The following RASSF3 variants were observed in gnomAD, a reference collection of about 807,000 sequenced individuals.
RASSF3 encodes the protein ras association domain-containing protein 3.
In RASSF3, 19 loss-of-function variants were observed where a neutral mutation model predicts 19.9. The observed-to-expected ratio is 0.96, with a 90% CI of 0.67 to 1.40. The LOEUF is 1.40. RASSF3 is among the 40% of genes most tolerant of loss of function. The probability of loss-of-function intolerance (pLI) is 0.00; values close to 1 mark genes in which losing one functional copy is unlikely to be tolerated. For missense variants in RASSF3, 306 were observed against 289.8 expected (o/e 1.06, Z -0.41); for synonymous variants, 110 against 104.2 (o/e 1.06, Z -0.34).
intron 2 of RASSF3, among the ~76,000 whole-genome samples, chr12:64,592,939 T>C (rs1384423330): frequency 1.3e-5 from 2 of 152,128 alleles, no homozygotes; most frequent in African/African-American, 4.8e-5. Context: ...TGTGCATGAC[T>C]GGCGTTTGCT....
At position 64,645,476 on chromosome 12, in the gene RASSF3, C is replaced by G. The variant is rs555199123; in HGVS notation, c.111+34733C>G. Among the ~76,000 whole-genome samples the G allele has an allele frequency of 3.4e-4, 52 of 152,092 alleles. 1 individual carries two copies. The East Asian group carries it at 8.9e-3, about 26-fold the overall frequency. The stretch of plus-strand genomic sequence containing the variant: ...TGGTTTGAAGCCATGAGTTTGAGAC[C>G]AGCCTGGGCAACATAGTGAGACCCT... On this transcript the variant is annotated intron_variant, in intron 1 of 4. Coordinates refer to ENST00000542104, the MANE Select transcript of RASSF3 (RefSeq NM_178169.4).
chr12:64,644,445 C>T (rs1871656897), intron 1 of RASSF3, among the ~76,000 whole-genome samples: 2 of 152,172 alleles, frequency 1.3e-5, no homozygotes, highest in South Asian at 2.1e-4. Context: ...TCTATAATCC[C>T]AGAACTTTAG....
In RASSF3 at chr12:64,516,022, ATATTTTCAATATATGTTGTATGG is replaced by A. The variant is rs545243036; in HGVS notation, c.169+8714_169+8736del. ...TTTAAAAACTGGAAAATATTTTATG[ATATTTTCAATATATGTTGTATGG>A]TATTTTCAATATATGTTGTAAAGGC... On this transcript the variant is annotated intron_variant, in intron 1 of 5. Transcript: ENST00000637125. Among the ~76,000 whole-genome samples the A allele has an allele frequency of 2.1e-3, 313 of 152,310 alleles. 1 individual carries two copies. The highest frequency in any genetic ancestry group is 7.2e-3 in the African/African-American group (300 of 41,570).
At chr12:64,543,864 A>T (rs1869000936), downstream of RASSF3, among the ~76,000 whole-genome samples, 1 of 151,626 alleles carries the variant, frequency 6.6e-6, no homozygotes, top group Admixed American at 6.6e-5. Flanking sequence ...ACCAATCAGC[A>T]CTCTGTACCT....
intron 1 of RASSF3, among the ~76,000 whole-genome samples, chr12:64,684,236 C>T (rs1325947893): frequency 1.3e-5 from 2 of 151,446 alleles, no homozygotes; most frequent in Admixed American, 6.6e-5. Context: ...CAGGTGTGCA[C>T]CACTGTGCCC....
chr12:64,673,052 T>G lies in RASSF3; in HGVS notation c.112-11735T>G, dbSNP rs372967969. ...GCTCGCCTCCAAATGAGCCTGTTCA[T>G]TTCCTTTCTCCGGAAACTGTCCTTA... On this transcript the variant is annotated intron_variant, in intron 1 of 4. Coordinates refer to ENST00000542104, the MANE Select transcript of RASSF3 (RefSeq NM_178169.4). 9.3e-4 allele frequency among the ~76,000 whole-genome samples: 142 copies of G among 152,344 alleles called. 1 individual carries two copies. In the East Asian group the frequency reaches 0.019, roughly 21 times the overall value.
intron 1 of RASSF3, among the ~76,000 whole-genome samples, chr12:64,649,130 C>G (rs1317271676): frequency 6.6e-6 from 1 of 151,636 alleles, no homozygotes; most frequent in Non-Finnish European, 1.5e-5. Flanking sequence ...TGAAAACCCT[C>G]TGGCTTGGTC....
intron 1 of RASSF3, among the ~76,000 whole-genome samples, chr12:64,527,738 C>T (rs1252308498): frequency 6.6e-6 from 1 of 151,644 alleles, no homozygotes; most frequent in African/African-American, 2.4e-5. Flanking sequence ...AGTTTGAGAC[C>T]AGCCTGGCCA....
chr12:64,673,452 G>T (rs1285471990), intron 1 of RASSF3, among the ~76,000 whole-genome samples: 1 of 152,162 alleles, frequency 6.6e-6, no homozygotes, highest in African/African-American at 2.4e-5. Flanking sequence ...AAAACTTACT[G>T]TTGAAAGGGA....
At chr12:64,600,951 CA>C (rs1372037132) in intron 2 of RASSF3, among the ~76,000 whole-genome samples, 1 of 152,020 alleles carries the variant, frequency 6.6e-6, no homozygotes, top group Non-Finnish European at 1.5e-5. Context: ...CCATAGTGCC[CA>C]AAACAGGGTC....
chr12:64,647,965 C>T (rs1300954827), intron 1 of RASSF3, among the ~76,000 whole-genome samples: 1 of 152,228 alleles, frequency 6.6e-6, no homozygotes, highest in South Asian at 2.1e-4. Context: ...TATGTTCAGC[C>T]ATGACATCTA....
At chr12:64,553,102 TA>T (rs1224617330) in intron 2 of RASSF3, among the ~76,000 whole-genome samples, 7 of 152,196 alleles carry the variant, frequency 4.6e-5, no homozygotes, top group Admixed American at 4.6e-4. Flanking sequence ...TGTGAGTCTA[TA>T]AACGTTTTCT....
intron 2 of RASSF3, among the ~76,000 whole-genome samples, chr12:64,567,891 T>G (rs1869456138): frequency 6.6e-6 from 1 of 152,166 alleles, no homozygotes; most frequent in African/African-American, 2.4e-5. Flanking sequence ...TCGGGCAGGG[T>G]GAAGCTACTG....
chr12:64,599,858 C>G (rs972097621), intron 2 of RASSF3, among the ~76,000 whole-genome samples: 2 of 151,512 alleles, frequency 1.3e-5, no homozygotes, highest in African/African-American at 4.9e-5. Flanking sequence ...CGGTGAAACC[C>G]CGTCTCTACT....
chr12:64,513,780 G>C (rs937301779), intron 1 of RASSF3, among the ~76,000 whole-genome samples: 8 of 152,170 alleles, frequency 5.3e-5, no homozygotes, highest in African/African-American at 1.9e-4. Flanking sequence ...TGCAACCATG[G>C]AGAGACCTCA....
At chr12:64,640,938 G>A (rs1871494515) in intron 1 of RASSF3, among the ~76,000 whole-genome samples, 1 of 152,122 alleles carries the variant, frequency 6.6e-6, no homozygotes, top group East Asian at 1.9e-4. Flanking sequence ...CCTAGGATGA[G>A]CCTCACTCCC....
At chr12:64,566,171 A>G (rs1869428262) in intron 2 of RASSF3, among the ~76,000 whole-genome samples, 1 of 152,208 alleles carries the variant, frequency 6.6e-6, no homozygotes, top group Non-Finnish European at 1.5e-5. Context: ...ACTGCACTCC[A>G]GCCTGGGAGA....
intron 2 of RASSF3, among the ~76,000 whole-genome samples, chr12:64,575,211 G>T (rs974628438): frequency 3.3e-5 from 5 of 152,182 alleles, no homozygotes; most frequent in Admixed American, 3.3e-4. Flanking sequence ...TAAACCAATT[G>T]TATGTTCTAT....
chr12:64,647,233 T>TTTTA (rs138759867), intron 1 of RASSF3, among the ~76,000 whole-genome samples: 8,384 of 151,168 alleles, frequency 0.055, 785 homozygotes, highest in African/African-American at 0.19. Flanking sequence ...TCAGCAAGGG[T>TTTTA]TTTATTTATT....
Sources: gnomAD v4.1 joint callset for allele counts (sites outside exome capture counted in the v4.1 genomes callset) on GRCh38, gnomAD v4.1.1 for gene constraint, MANE v1.5 for transcripts, NCBI Gene and HGNC (gene_info 2026-07-23, HGNC 2026-07-21) for gene names.